TMEM135: variants seen among roughly 807,000 people sequenced by gnomAD.
TMEM135 encodes transmembrane protein 135, also known as peroxisomal membrane protein 52.
TMEM135 carries 30 observed loss-of-function variants against 60.3 expected under a neutral mutation model. The ratio of observed to expected loss-of-function variants is 0.50; its 90% CI spans 0.37 to 0.68. The LOEUF (loss-of-function observed/expected upper bound fraction) is 0.68. TMEM135 is among the 30% of genes least tolerant of loss of function. The pLI, the probability that TMEM135 is intolerant of heterozygous loss-of-function variation, is 0.00. For synonymous variants in TMEM135, 190 were observed against 186.7 expected (o/e 1.02, Z -0.14); for missense variants, 468 against 548.8 (o/e 0.85, Z 1.47).
chr11:87,165,802 G>A (rs911796470), intron 5 of TMEM135, among the ~76,000 whole-genome samples: 4 of 149,854 alleles, frequency 2.7e-5, no homozygotes, highest in Non-Finnish European at 5.9e-5. Flanking sequence ...GAATCCAGGA[G>A]CTGTTTTTTT....
In TMEM135 at chr11:87,244,396, C is replaced by G. The variant is rs1251909324; in HGVS notation, c.509+7712C>G. Among the ~76,000 whole-genome samples, 12 of 77,184 alleles carry G rather than the reference C, an allele frequency of 1.6e-4. 2 individuals carry two copies. The highest frequency in any genetic ancestry group is 6.0e-4 in the African/African-American group (12 of 19,840). The allele number at this position is 77,184 out of a possible 152,430, so 50.6% of individuals were successfully genotyped here. ...GAGTTAGGGAGGATTCCCTCTTTTT[C>G]TATTTATTGGAATAGTTTCAGAAGG... On this transcript the variant is annotated intron_variant, in intron 6 of 14. Coordinates refer to ENST00000305494, the MANE Select transcript of TMEM135 (RefSeq NM_022918.4).
At chr11:87,088,054 AAGCTGAGCCCAGCCATGG>A (rs1857133919) in intron 3 of TMEM135, among the ~76,000 whole-genome samples, 1 of 152,018 alleles carries the variant, frequency 6.6e-6, no homozygotes, top group Non-Finnish European at 1.5e-5. Flanking sequence ...AGACTTTTTA[AAGCTGAGCCCAGCCATGG>A]GTTTGTACCC....
chr11:87,233,832 C>T (rs116439318), intron 5 of TMEM135, among the ~76,000 whole-genome samples: 228 of 152,060 alleles, frequency 1.5e-3, no homozygotes, highest in African/African-American at 5.2e-3. Flanking sequence ...TCTGAGTTTC[C>T]TGATGAAAAA....
At chr11:87,059,874 G>T (rs1227376412) in intron 1 of TMEM135, among the ~76,000 whole-genome samples, 1 of 152,224 alleles carries the variant, frequency 6.6e-6, no homozygotes, top group Non-Finnish European at 1.5e-5. Flanking sequence ...CCAGCACTTT[G>T]TGAGGCCAAA....
intron 1 of TMEM135, among the ~76,000 whole-genome samples, chr11:87,052,865 G>T (rs1223777019): frequency 1.1e-5 from 1 of 88,570 alleles, no homozygotes; most frequent in Non-Finnish European, 2.2e-5. Flanking sequence ...ACATGCACAC[G>T]TATGTTTATT....
intron 6 of TMEM135, among the ~76,000 whole-genome samples, chr11:87,254,343 G>T (rs1332463541): frequency 6.6e-6 from 1 of 152,118 alleles, no homozygotes; most frequent in Non-Finnish European, 1.5e-5. Context: ...TGTTTTAGGA[G>T]ATTCCATGGT....
intron 6 of TMEM135, among the ~76,000 whole-genome samples, chr11:87,263,090 C>T (rs1369272010): frequency 6.6e-6 from 1 of 152,026 alleles, no homozygotes; most frequent in East Asian, 1.9e-4. Context: ...GACATGAACA[C>T]ATTTGGGGAC....
At chr11:87,059,199 A>G (rs1949922660) in intron 1 of TMEM135, among the ~76,000 whole-genome samples, 1 of 152,120 alleles carries the variant, frequency 6.6e-6, no homozygotes, top group Non-Finnish European at 1.5e-5. Flanking sequence ...GGCCTCCCAA[A>G]GTGCTGACGT....
intron 5 of TMEM135, chr11:87,178,419 C>G (rs1444219482): frequency 2.2e-6 from 1 of 455,812 alleles, no homozygotes; most frequent in Non-Finnish European, 4.4e-6. Flanking sequence ...TTGAGTCTGC[C>G]TTCCTTTCCT....
intron 4 of TMEM135, among the ~76,000 whole-genome samples, chr11:87,109,177 G>A (rs969008892): frequency 3.9e-5 from 6 of 152,006 alleles, no homozygotes; most frequent in African/African-American, 9.7e-5. Context: ...TTCAAAATAT[G>A]CTCTTTAAAT....
At chr11:87,268,566 C>G (rs1941799525) in intron 6 of TMEM135, among the ~76,000 whole-genome samples, 1 of 152,062 alleles carries the variant, frequency 6.6e-6, no homozygotes, top group South Asian at 2.1e-4. Context: ...CCTTCTTAAT[C>G]TTTGTTTTAA....
At chr11:87,099,521 C>T (rs1314795966) in intron 4 of TMEM135, among the ~76,000 whole-genome samples, 3 of 151,980 alleles carry the variant, frequency 2.0e-5, no homozygotes, top group Non-Finnish European at 4.4e-5. Flanking sequence ...CCACTTCTCT[C>T]CTGTTGTCAC....
chr11:87,234,584 A>G (rs973672553), intron 5 of TMEM135, among the ~76,000 whole-genome samples: 2 of 152,090 alleles, frequency 1.3e-5, no homozygotes, highest in African/African-American at 4.8e-5. Flanking sequence ...ACAAAACAAG[A>G]TAAAAACAAT....
At chr11:87,061,479 A>G (rs1486791953) in intron 1 of TMEM135, among the ~76,000 whole-genome samples, 2 of 152,260 alleles carry the variant, frequency 1.3e-5, no homozygotes, top group Non-Finnish European at 2.9e-5. Context: ...ACTTTAAGAA[A>G]GATTAAATAG....
At chr11:87,068,712 G>A (rs983633703) in intron 2 of TMEM135, among the ~76,000 whole-genome samples, 5 of 151,336 alleles carry the variant, frequency 3.3e-5, no homozygotes, top group African/African-American at 1.2e-4. Flanking sequence ...TCGGGAGGCT[G>A]AGCCAGGAGA....
chr11:87,046,011 G>T (rs1445010198), intron 1 of TMEM135, among the ~76,000 whole-genome samples: 2 of 152,144 alleles, frequency 1.3e-5, no homozygotes, highest in Non-Finnish European at 1.5e-5. Flanking sequence ...TAGGAGGGGA[G>T]ATTAGGCACA....
At chr11:87,092,236 G>A (rs1277902688) in intron 4 of TMEM135, among the ~76,000 whole-genome samples, 1 of 152,162 alleles carries the variant, frequency 6.6e-6, no homozygotes. Context: ...TTACTCTCTA[G>A]TGGGAGAAGT....
At chr11:87,203,263 T>C (rs563352006) in intron 5 of TMEM135, among the ~76,000 whole-genome samples, 1 of 152,254 alleles carries the variant, frequency 6.6e-6, no homozygotes, top group South Asian at 2.1e-4. Context: ...TTGTACATTC[T>C]ATGGGTTTGG....
chr11:87,075,058 A>G (rs12286867), intron 3 of TMEM135, among the ~76,000 whole-genome samples: 2 of 152,100 alleles, frequency 1.3e-5, no homozygotes, highest in South Asian at 2.1e-4. Flanking sequence ...TCTTGCCTTA[A>G]CACCACCCTC....
Sources: gnomAD v4.1 joint callset for allele counts (sites outside exome capture counted in the v4.1 genomes callset) on GRCh38, gnomAD v4.1.1 for gene constraint, MANE v1.5 for transcripts, NCBI Gene and HGNC (gene_info 2026-07-23, HGNC 2026-07-21) for gene names.